The following KCNH7 variants were observed in gnomAD, a reference collection of about 807,000 sequenced individuals.
The protein encoded by KCNH7 is potassium voltage-gated channel subfamily H member 7, also known as voltage-gated inwardly rectifying potassium channel KCNH7.
KCNH7 carries 49 observed loss-of-function variants against 120.8 expected under a neutral mutation model. The observed-to-expected ratio is 0.41, with a 90% CI of 0.32 to 0.51. KCNH7 has a LOEUF of 0.51. Ranked by LOEUF, KCNH7 falls within the 20% of genes least tolerant of loss-of-function variation. KCNH7 has a pLI of 0.38. For synonymous variants in KCNH7, 547 were observed against 516.1 expected (o/e 1.06, Z -0.81); for missense variants, 1,097 against 1,446.6 (o/e 0.76, Z 3.92).
At chr2:162,523,031 T>C (rs1691584389) in intron 3 of KCNH7, among the ~76,000 whole-genome samples, 1 of 151,888 alleles carries the variant, frequency 6.6e-6, no homozygotes, top group African/African-American at 2.4e-5. Context: ...GTGAAAAGTC[T>C]ATAATTATCA....
At chr2:162,705,094 AT>A (rs1385775967) in intron 2 of KCNH7, among the ~76,000 whole-genome samples, 1 of 152,156 alleles carries the variant, frequency 6.6e-6, no homozygotes, top group Non-Finnish European at 1.5e-5. Context: ...TTGTCATACT[AT>A]AAAAGAAAAA....
chr2:162,617,861 C>T (rs1419262185), intron 2 of KCNH7, among the ~76,000 whole-genome samples: 2 of 151,912 alleles, frequency 1.3e-5, no homozygotes, highest in Non-Finnish European at 2.9e-5. Flanking sequence ...AAATGATGTG[C>T]CATTTAGAAT....
intron 2 of KCNH7, among the ~76,000 whole-genome samples, chr2:162,644,566 C>T (rs1684284879): frequency 6.6e-6 from 1 of 152,068 alleles, no homozygotes; most frequent in Admixed American, 6.5e-5. Context: ...ATCCAAAGTA[C>T]AAATATAAGA....
intron 5 of KCNH7, among the ~76,000 whole-genome samples, chr2:162,511,741 G>C (rs1429882010): frequency 6.6e-6 from 1 of 151,704 alleles, no homozygotes; most frequent in Non-Finnish European, 1.5e-5. Context: ...ATACAAAATT[G>C]CACAGTGGTC....
intron 2 of KCNH7, among the ~76,000 whole-genome samples, chr2:162,649,843 C>A (rs943706427): frequency 6.6e-6 from 1 of 152,114 alleles, no homozygotes; most frequent in Admixed American, 6.6e-5. Flanking sequence ...TTCATATATA[C>A]AACTAAGCAG....
intron 2 of KCNH7, among the ~76,000 whole-genome samples, chr2:162,610,669 T>C (rs1033693740): frequency 6.6e-6 from 1 of 152,202 alleles, no homozygotes; most frequent in Admixed American, 6.5e-5. Context: ...GATTTAGCTA[T>C]TTTTATCTTC....
chr2:162,527,350 C>T (rs1691743493), intron 3 of KCNH7, among the ~76,000 whole-genome samples: 1 of 151,954 alleles, frequency 6.6e-6, no homozygotes, highest in South Asian at 2.1e-4. Flanking sequence ...GAATGGGAAA[C>T]TATATTACTA....
chr2:162,451,294 G>C (rs1461822764), intron 6 of KCNH7, among the ~76,000 whole-genome samples: 1 of 151,928 alleles, frequency 6.6e-6, no homozygotes, highest in African/African-American at 2.4e-5. Context: ...ATTGTTTTGA[G>C]TTCTAGGGTT....
chr2:162,536,918 T>C lies in KCNH7; in HGVS notation c.463+7A>G. ...AGAGCATTGAGTACACATTGCCTTT[T>C]ACTTACGGTTTACAGTTTTGATTGG... On this transcript the variant is annotated splice_region_variant and intron_variant, in intron 3 of 15. Coordinates refer to ENST00000332142, the MANE Select transcript of KCNH7 (RefSeq NM_033272.4). 6.2e-7 allele frequency: 1 copy of C among 1,610,858 alleles called. No homozygotes were observed. Among genetic ancestry groups the C allele is most frequent in the Non-Finnish European group, 8.5e-7 (1 of 1,177,664 alleles).
At chr2:162,818,790 G>T (rs1156869496) in intron 2 of KCNH7, among the ~76,000 whole-genome samples, 2 of 151,852 alleles carry the variant, frequency 1.3e-5, no homozygotes, top group African/African-American at 4.8e-5. Flanking sequence ...CTATTTACAG[G>T]GTATTGTTAA....
intron 2 of KCNH7, among the ~76,000 whole-genome samples, chr2:162,643,636 G>A (rs988906138): frequency 5.9e-5 from 9 of 151,442 alleles, no homozygotes; most frequent in Non-Finnish European, 1.0e-4. Flanking sequence ...GTGAAACCCC[G>A]TCTCTACTAA....
intron 2 of KCNH7, among the ~76,000 whole-genome samples, chr2:162,633,442 G>A (rs1056060273): frequency 1.3e-5 from 2 of 151,802 alleles, no homozygotes; most frequent in African/African-American, 2.4e-5. Context: ...TTGTTCATAC[G>A]TTAATGATGA....
intron 9 of KCNH7, among the ~76,000 whole-genome samples, chr2:162,416,050 T>C (rs972733439): frequency 6.6e-6 from 1 of 152,162 alleles, no homozygotes. Context: ...ATTGCTTTAT[T>C]ATAATACTCT....
rs1353512604 is a variant in KCNH7, at chr2:162,389,340, G to A, written c.2711-4401C>T. ...GCATTCTTTAACTACACAGGCCAAT[G>A]TCCCTTTTGACATTGCTAAGGCTAA... On this transcript the variant is annotated intron_variant, in intron 12 of 15. Coordinates refer to ENST00000332142, the MANE Select transcript of KCNH7 (RefSeq NM_033272.4). Among the ~76,000 whole-genome samples, 3 of 151,916 alleles carry A rather than the reference G, an allele frequency of 2.0e-5. No individual in the cohort carries two copies. In the East Asian group the frequency reaches 5.8e-4, roughly 29 times the overall value.
chr2:162,538,470 A>G (rs1238260219), intron 2 of KCNH7, among the ~76,000 whole-genome samples: 2 of 152,046 alleles, frequency 1.3e-5, no homozygotes, highest in Non-Finnish European at 2.9e-5. Flanking sequence ...GGCATGAAAC[A>G]TCAGACGGAA....
chr2:162,435,652 T>C, intron 7 of KCNH7, 55 bp from the exon 8 acceptor site: 3 of 1,508,648 alleles, frequency 2.0e-6, no homozygotes, highest in Non-Finnish European at 2.7e-6. Context: ...TCAAAGTACA[T>C]TCATATGAAG....
At chr2:162,753,004 A>AAAAGAAAAGAAAAGAAAAG in intron 2 of KCNH7, among the ~76,000 whole-genome samples, 1 of 147,802 alleles carries the variant, frequency 6.8e-6, no homozygotes, top group African/African-American at 2.5e-5. Flanking sequence ...AAAAGAAAAG[A>AAAAGAAAAGAAAAGAAAAG]AAAGAAAAGA....
At chr2:162,630,994 A>G (rs1456786055) in intron 2 of KCNH7, among the ~76,000 whole-genome samples, 2 of 152,098 alleles carry the variant, frequency 1.3e-5, no homozygotes, top group Non-Finnish European at 2.9e-5. Context: ...CCCTAGAACC[A>G]CCACCATTCA....
At chr2:162,491,046 T>A (rs961979318) in intron 6 of KCNH7, among the ~76,000 whole-genome samples, 6 of 152,092 alleles carry the variant, frequency 3.9e-5, no homozygotes, top group African/African-American at 1.4e-4. Context: ...AGGACAGGAA[T>A]AAGCTGTGGC....
Sources: allele counts gnomAD v4.1 joint callset (sites outside exome capture counted in the v4.1 genomes callset), GRCh38; gene constraint gnomAD v4.1.1; transcripts MANE v1.5; gene names NCBI Gene and HGNC (gene_info 2026-07-23, HGNC 2026-07-21).